Variants in RABEP1 observed in about 807,000 individuals in gnomAD.
RABEP1 encodes rab GTPase-binding effector protein 1.
RABEP1 carries 51 observed loss-of-function variants against 123.4 expected under a neutral mutation model. That is an observed-to-expected ratio of 0.41 (90% confidence interval 0.33 to 0.52). RABEP1 has a LOEUF of 0.52. Ranked by LOEUF, RABEP1 falls within the 20% of genes least tolerant of loss-of-function variation. The pLI is 0.16. For synonymous variants in RABEP1, 347 were observed against 355.2 expected (o/e 0.98, Z 0.26); for missense variants, 888 against 996.3 (o/e 0.89, Z 1.46).
chr17:5,285,020 A>G (rs2074964245), intron 1 of RABEP1, among the ~76,000 whole-genome samples: 1 of 151,924 alleles, frequency 6.6e-6, no homozygotes, highest in African/African-American at 2.4e-5. Flanking sequence ...CATATGGTAG[A>G]TTAGGAAAAT....
chr17:5,370,038 T>C (rs779294283), intron 12 of RABEP1, among the ~76,000 whole-genome samples: 4 of 152,186 alleles, frequency 2.6e-5, no homozygotes, highest in Non-Finnish European at 5.9e-5. Flanking sequence ...TTGCAGACAC[T>C]TTTCAAGCTG....
chr17:5,303,975 T>C (rs1325457320), intron 1 of RABEP1, among the ~76,000 whole-genome samples: 1 of 150,670 alleles, frequency 6.6e-6, no homozygotes, highest in Non-Finnish European at 1.5e-5. Context: ...CAGAGGTTGC[T>C]GTGAGCCGAG....
intron 7 of RABEP1, among the ~76,000 whole-genome samples, chr17:5,352,048 A>G (rs1908601528): frequency 6.6e-6 from 1 of 152,060 alleles, no homozygotes; most frequent in South Asian, 2.1e-4. Flanking sequence ...CTGCCTTTCT[A>G]AGTATCTTGT....
intron 7 of RABEP1, 33 bp from the exon 8 acceptor site, chr17:5,354,326 T>G (rs1908824713): frequency 1.9e-6 from 3 of 1,573,052 alleles, no homozygotes; most frequent in Non-Finnish European, 2.6e-6. Flanking sequence ...GTAGGTTACT[T>G]GGGTCATATA....
chr17:5,370,941 A>G (rs1910473940), intron 12 of RABEP1, among the ~76,000 whole-genome samples: 1 of 151,622 alleles, frequency 6.6e-6, no homozygotes, highest in Non-Finnish European at 1.5e-5. Context: ...GGAATTTGAT[A>G]TATAGTTAGC....
At chr17:5,382,248 A>G (rs1269737026) in intron 17 of RABEP1, among the ~76,000 whole-genome samples, 1 of 151,164 alleles carries the variant, frequency 6.6e-6, no homozygotes, top group African/African-American at 2.4e-5. Flanking sequence ...AGCCCAGCTA[A>G]TTTTTGTATT....
chr17:5,332,097 T>G lies in RABEP1; in HGVS notation c.312T>G (p.Asp104Glu), dbSNP rs1404574639. Reference sequence around the variant, plus strand: ...AGAACACCAAGCAAGAAGCTATAGATGAAGTGAAAAGACAGTGGAGAGAAG... The same window carrying G: ...AGAACACCAAGCAAGAAGCTATAGAGGAAGTGAAAAGACAGTGGAGAGAAG... Reference protein sequence around the residue: ...VSENTKQEAIDEVKRQWREEV... With the variant: ...VSENTKQEAIEEVKRQWREEV... Residue 104 changes from aspartate (D) to glutamate (E), a missense_variant, in exon 3 of 18, where the codon GAT becomes GAG. Coordinates refer to ENST00000537505, the MANE Select transcript of RABEP1 (RefSeq NM_004703.6). 2 of 1,613,952 alleles carry G rather than the reference T, an allele frequency of 1.2e-6. No homozygotes were observed. The highest frequency in any genetic ancestry group is 1.7e-6 in the Non-Finnish European group (2 of 1,180,006).
chr17:5,298,857 G>C (rs1028510683), intron 1 of RABEP1, among the ~76,000 whole-genome samples: 3 of 151,732 alleles, frequency 2.0e-5, no homozygotes, highest in Admixed American at 2.0e-4. Flanking sequence ...GGGTTTCACC[G>C]TGTTAGCCAG....
chr17:5,342,536 G>A (rs1415453419), intron 5 of RABEP1, among the ~76,000 whole-genome samples: 1 of 152,202 alleles, frequency 6.6e-6, no homozygotes, highest in Non-Finnish European at 1.5e-5. Context: ...CTCTCAGGAG[G>A]CAGAGGTTGC....
At chr17:5,369,687 T>C (rs905730748) in intron 12 of RABEP1, among the ~76,000 whole-genome samples, 1 of 152,102 alleles carries the variant, frequency 6.6e-6, no homozygotes, top group Admixed American at 6.6e-5. Context: ...CTTGCATCTT[T>C]TTCCTTCTTG....
At chr17:5,353,559 T>C (rs1156461836) in intron 7 of RABEP1, among the ~76,000 whole-genome samples, 1 of 152,166 alleles carries the variant, frequency 6.6e-6, no homozygotes, top group African/African-American at 2.4e-5. Context: ...TTATAAAAAC[T>C]TTTTTGGGTG....
intron 4 of RABEP1, chr17:5,336,583 T>C (rs985655002): frequency 2.5e-6 from 1 of 403,774 alleles, no homozygotes; most frequent in Non-Finnish European, 4.7e-6. Flanking sequence ...TTTAATGACC[T>C]TTCTGTCATT....
rs770607967 is a variant in RABEP1 at position 5,344,832 on chromosome 17, C to CTGTAAT, written c.649-1956_649-1951dup. Among the ~76,000 whole-genome samples the CTGTAAT allele has an allele frequency of 2.1e-3, 321 of 149,796 alleles. 1 individual carries two copies. Among genetic ancestry groups the CTGTAAT allele is most frequent in the Non-Finnish European group, 4.1e-3 (275 of 67,684 alleles). On this transcript the variant is annotated intron_variant, in intron 5 of 17. Coordinates refer to ENST00000537505, the MANE Select transcript of RABEP1 (RefSeq NM_004703.6). ...TAAAGTATAGCTAGGTGGCGCATGC[C>CTGTAAT]TGTAATTCCAGCTACTTGGGAGGCT...
chr17:5,356,223 G>T (rs1909002505), intron 8 of RABEP1, among the ~76,000 whole-genome samples: 1 of 152,138 alleles, frequency 6.6e-6, no homozygotes, highest in African/African-American at 2.4e-5. Context: ...GGGCGAGGTG[G>T]TGGATCCCTG....
chr17:5,350,824 G>C (rs561372574), intron 7 of RABEP1, among the ~76,000 whole-genome samples, 195 bp downstream of exon 7: 1 of 152,196 alleles, frequency 6.6e-6, no homozygotes, highest in South Asian at 2.1e-4. Flanking sequence ...CCTCCTCTCG[G>C]GGGTGGGGAA....
chr17:5,344,428 A>T (rs1440198237), intron 5 of RABEP1, among the ~76,000 whole-genome samples: 3 of 151,876 alleles, frequency 2.0e-5, no homozygotes, highest in Non-Finnish European at 4.4e-5. Flanking sequence ...ACAGAGTGAG[A>T]CTCTCTCTCA....
intron 1 of RABEP1, among the ~76,000 whole-genome samples, chr17:5,294,953 TTG>T (rs2075068747): frequency 6.6e-6 from 1 of 151,740 alleles, no homozygotes. Context: ...GCCAACGGTA[TTG>T]TCTTTTTAGA....
At chr17:5,290,998 C>T (rs746708204) in intron 1 of RABEP1, among the ~76,000 whole-genome samples, 9 of 152,240 alleles carry the variant, frequency 5.9e-5, no homozygotes, top group East Asian at 5.8e-4. Context: ...TCCAGGTTGC[C>T]GTGACTATTT....
At chr17:5,359,042 G>A (rs563840585) in intron 8 of RABEP1, among the ~76,000 whole-genome samples, 4 of 151,066 alleles carry the variant, frequency 2.6e-5, no homozygotes, top group Non-Finnish European at 5.9e-5. Context: ...ATTTACAGGC[G>A]TGAGCTACTG....
Sources: gnomAD v4.1 joint callset for allele counts (sites outside exome capture counted in the v4.1 genomes callset) on GRCh38, gnomAD v4.1.1 for gene constraint, MANE v1.5 for transcripts, NCBI Gene and HGNC (gene_info 2026-07-23, HGNC 2026-07-21) for gene names.